Variants in BANF2 observed in about 807,000 individuals in gnomAD.
BANF2 encodes the protein BANF family member 2.
BANF2 carries 4 observed loss-of-function variants against 8.0 expected under a neutral mutation model. That is an observed-to-expected ratio of 0.50 (90% CI 0.25 to 1.14). The LOEUF (loss-of-function observed/expected upper bound fraction) is 1.14. Ranked by LOEUF, BANF2 falls within the 50% of genes most tolerant of loss-of-function variation. The probability of loss-of-function intolerance (pLI) is 0.16; values close to 1 mark genes in which losing one functional copy is unlikely to be tolerated. For missense variants in BANF2, 96 were observed against 107.5 expected (o/e 0.89, Z 0.47); for synonymous variants, 50 against 40.6 (o/e 1.23, Z -0.88).
upstream of BANF2, among the ~76,000 whole-genome samples, chr20:17,698,800 T>C (rs975952047): frequency 6.6e-6 from 1 of 152,214 alleles, no homozygotes; most frequent in Non-Finnish European, 1.5e-5. Context: ...TGGCAATGAA[T>C]AGATCCTCAG....
chr20:17,697,079 G>A (rs2037352341), upstream of BANF2, among the ~76,000 whole-genome samples: 2 of 152,090 alleles, frequency 1.3e-5, no homozygotes, highest in African/African-American at 4.8e-5. Context: ...GCAGGTGTGA[G>A]GCTGGGTGTA....
intron 1 of BANF2, chr20:17,712,560 G>A (rs1006898226): frequency 3.1e-6 from 3 of 978,874 alleles, no homozygotes; most frequent in Middle Eastern, 5.3e-4. Context: ...TTCAAGCCCC[G>A]TGCCCATGAA....
chr20:17,717,595 A>C (rs1305924977), intron 1 of BANF2, among the ~76,000 whole-genome samples: 1 of 152,232 alleles, frequency 6.6e-6, no homozygotes, highest in Non-Finnish European at 1.5e-5. Context: ...TAGTAGGCCA[A>C]GTAAAAAAGG....
intron 1 of BANF2, among the ~76,000 whole-genome samples, chr20:17,715,277 T>C (rs2037634813): frequency 6.6e-6 from 1 of 152,160 alleles, no homozygotes. Flanking sequence ...ACACCGTGTG[T>C]GGTGTGCCCT....
intron 1 of BANF2, among the ~76,000 whole-genome samples, chr20:17,716,982 G>T (rs1191994145): frequency 1.3e-5 from 2 of 152,106 alleles, no homozygotes; most frequent in African/African-American, 4.8e-5. Flanking sequence ...CTCCCAAATT[G>T]TTGGGATTAC....
At chr20:17,698,243 G>A (rs1452446804), upstream of BANF2, among the ~76,000 whole-genome samples, 1 of 151,822 alleles carries the variant, frequency 6.6e-6, no homozygotes, top group African/African-American at 2.4e-5. Context: ...AAAAAGGTGT[G>A]TGGTACCTCC....
intron 1 of BANF2, among the ~76,000 whole-genome samples, chr20:17,716,500 A>G (rs1334246095): frequency 6.6e-6 from 1 of 151,616 alleles, no homozygotes; most frequent in Non-Finnish European, 1.5e-5. Flanking sequence ...TGCCTGGCTA[A>G]TTTTTGTAAA....
intron 1 of BANF2, among the ~76,000 whole-genome samples, chr20:17,717,007 G>A (rs1270604975): frequency 6.6e-6 from 1 of 152,142 alleles, no homozygotes; most frequent in Non-Finnish European, 1.5e-5. Context: ...GTGAGTGATG[G>A]CACCAGGCCA....
chr20:17,718,999 A>G (rs536732686), intron 1 of BANF2, among the ~76,000 whole-genome samples: 25 of 152,346 alleles, frequency 1.6e-4, no homozygotes, highest in Non-Finnish European at 1.5e-5. Context: ...TAAGCTGTCC[A>G]TAATGGACCC....
intron 1 of BANF2, among the ~76,000 whole-genome samples, chr20:17,707,408 T>A (rs2037499350): frequency 6.8e-6 from 1 of 146,728 alleles, no homozygotes; most frequent in African/African-American, 2.6e-5. Flanking sequence ...CCAGTAAGGA[T>A]TTAAGGGAAG....
At chr20:17,696,511 TG>T (rs2037347221), upstream of BANF2, among the ~76,000 whole-genome samples, 1 of 152,234 alleles carries the variant, frequency 6.6e-6, no homozygotes. Flanking sequence ...GCCATTCTGG[TG>T]GGCATGTAGA....
Position 17,725,084 on chromosome 20 carries a change from A to G in BANF2, c.59A>G (p.Asp20Gly). Residue 20 changes from aspartate (D) to glycine (G), a missense_variant, in exon 3 of 4, where the codon GAT becomes GGT. By Grantham distance (94) the Asp-to-Gly change is moderately conservative. Transcript: ENST00000246090. ...CTCTCCGAACCCATTGGAGAAAAGG[A>G]TGTCTGCTGGGTGGATGGCATCAGC... ...AFLSEPIGEK[D>G]VCWVDGISHE... 6.2e-7 allele frequency: 1 copy of G among 1,610,802 alleles called. No homozygotes were observed. Among genetic ancestry groups the G allele is most frequent in the Non-Finnish European group, 8.5e-7 (1 of 1,176,914 alleles).
chr20:17,705,847 C>G (rs1285662326), intron 1 of BANF2, among the ~76,000 whole-genome samples: 3 of 152,200 alleles, frequency 2.0e-5, no homozygotes, highest in Admixed American at 6.5e-5. Context: ...TCAGGGCAGC[C>G]CTGTCCTCCT....
intron 3 of BANF2, among the ~76,000 whole-genome samples, chr20:17,727,169 G>T (rs1434601550): frequency 6.6e-6 from 1 of 152,214 alleles, no homozygotes; most frequent in African/African-American, 2.4e-5. Flanking sequence ...TCGAGTCAGG[G>T]CTGTGGGGAC....
At chr20:17,723,883 T>G (rs1373078056) in intron 2 of BANF2, among the ~76,000 whole-genome samples, 1 of 152,134 alleles carries the variant, frequency 6.6e-6, no homozygotes, top group Non-Finnish European at 1.5e-5. Flanking sequence ...TAATCCCAGC[T>G]ACTCGGGAGG....
intron 1 of BANF2, chr20:17,693,770 A>G: frequency 6.5e-7 from 1 of 1,527,942 alleles, no homozygotes; most frequent in Non-Finnish European, 8.9e-7. Flanking sequence ...AAAGGAGGCA[A>G]GGACAAATCA....
chr20:17,732,264 G>A (rs574771257), intron 3 of BANF2, among the ~76,000 whole-genome samples: 10 of 152,328 alleles, frequency 6.6e-5, no homozygotes, highest in African/African-American at 1.9e-4. Flanking sequence ...AGTGGGCACC[G>A]CAAACTGGAG....
intron 3 of BANF2, among the ~76,000 whole-genome samples, chr20:17,732,696 C>T (rs1003568968): frequency 6.6e-6 from 1 of 152,140 alleles, no homozygotes; most frequent in Non-Finnish European, 1.5e-5. Flanking sequence ...ATGTAATTCC[C>T]TGGCTTGGCC....
intron 1 of BANF2, among the ~76,000 whole-genome samples, chr20:17,715,051 T>G (rs753925691): frequency 5.9e-5 from 9 of 152,202 alleles, no homozygotes; most frequent in Non-Finnish European, 1.0e-4. Context: ...AACGCTGATC[T>G]TATAAATAAG....
Sources: gnomAD v4.1 joint callset for allele counts (sites outside exome capture counted in the v4.1 genomes callset) on GRCh38, gnomAD v4.1.1 for gene constraint, MANE v1.5 for transcripts, NCBI Gene and HGNC (gene_info 2026-07-23, HGNC 2026-07-21) for gene names.